The following ATP9A variants were observed in gnomAD, a reference collection of about 807,000 sequenced individuals.
ATP9A encodes ATPase phospholipid transporting 9A.
Under a neutral mutation model 144.1 loss-of-function variants are expected in ATP9A, and 52 were observed. The observed-to-expected ratio is 0.36, with a 90% confidence interval of 0.29 to 0.45. The LOEUF is 0.45. ATP9A is among the 20% of genes least tolerant of loss of function. The pLI is 1.00. For missense variants in ATP9A, 947 were observed against 1,392.7 expected (o/e 0.68, Z 5.09); for synonymous variants, 582 against 557.4 (o/e 1.04, Z -0.62).
chr20:51,758,649 G>A (rs2077866293), intron 1 of ATP9A, among the ~76,000 whole-genome samples: 1 of 152,300 alleles, frequency 6.6e-6, no homozygotes, highest in Admixed American at 6.5e-5. Context: ...CTTTTGGGCT[G>A]GGCGCAGTGG....
chr20:51,749,711 T>C (rs1249952615), intron 1 of ATP9A, among the ~76,000 whole-genome samples: 1 of 152,154 alleles, frequency 6.6e-6, no homozygotes, highest in African/African-American at 2.4e-5. Flanking sequence ...CAGAAGAACA[T>C]GGTAAGACTG....
rs1416390051 is a variant in ATP9A, at chr20:51,722,628, C to T, written c.327+3191G>A. Reference sequence around the variant, plus strand: ...CACTAATGATCAGGGAAATGCAAATCGAAACCACAATGCGATACCACCTTA... The same window carrying T: ...CACTAATGATCAGGGAAATGCAAATTGAAACCACAATGCGATACCACCTTA... On this transcript the variant is annotated intron_variant, in intron 3 of 27. Transcript: ENST00000338821. Among the ~76,000 whole-genome samples the T allele has an allele frequency of 9.2e-5, 14 of 152,146 alleles. 1 individual carries two copies. Among genetic ancestry groups the T allele is most frequent in the Admixed American group, 7.9e-4 (12 of 15,268 alleles).
chr20:51,607,348 T>C (rs963814758), intron 26 of ATP9A, among the ~76,000 whole-genome samples, 179 bp downstream of exon 26: 4 of 152,368 alleles, frequency 2.6e-5, no homozygotes, highest in African/African-American at 9.6e-5. Context: ...AGCAGCACTG[T>C]GCATGTCTGA....
At chr20:51,676,917 CTTTTTTTTTT>C (rs34062000) in intron 9 of ATP9A, among the ~76,000 whole-genome samples, 8 of 68,426 alleles carry the variant, frequency 1.2e-4, no homozygotes, top group African/African-American at 2.8e-4. Flanking sequence ...CGCCCAGTCT[CTTTTTTTTTT>C]TTTTTTTTTT....
chr20:51,730,196 C>T lies in ATP9A; in HGVS notation c.69-218G>A, dbSNP rs534678307. ...AAAGATGCTTTGTCCTGGCCAGGCG[C>T]GGTGGCTCACACCTGTAATCCCAGC... On this transcript the variant is annotated intron_variant, in intron 1 of 27. Transcript: ENST00000338821. 1.3e-3 allele frequency among the ~76,000 whole-genome samples: 194 copies of T among 152,124 alleles called. 1 individual carries two copies. The highest frequency in any genetic ancestry group is 4.6e-3 in the African/African-American group (191 of 41,482).
intron 6 of ATP9A, among the ~76,000 whole-genome samples, chr20:51,695,301 G>A (rs553001744): frequency 5.3e-5 from 8 of 151,944 alleles, no homozygotes; most frequent in East Asian, 1.9e-4. Flanking sequence ...TGGCCAACAC[G>A]GTGAAACCCC....
At chr20:51,619,090 G>A in intron 19 of ATP9A, 47 bp from the exon 20 acceptor site, 1 of 1,542,594 alleles carries the variant, frequency 6.5e-7, no homozygotes, top group Non-Finnish European at 8.9e-7. Flanking sequence ...CTCCGGACAT[G>A]ATAGAACAAC....
chr20:51,731,777 G>C (rs1601134469), intron 1 of ATP9A, among the ~76,000 whole-genome samples: 1 of 151,874 alleles, frequency 6.6e-6, no homozygotes, highest in East Asian at 1.9e-4. Flanking sequence ...AGAGACGTAA[G>C]AAACAGCTGG....
intron 8 of ATP9A, among the ~76,000 whole-genome samples, chr20:51,689,533 C>T (rs879589005): frequency 1.4e-5 from 2 of 144,866 alleles, no homozygotes; most frequent in Non-Finnish European, 3.1e-5. Flanking sequence ...GACCCATATT[C>T]CTAAAATAAT....
chr20:51,633,006 C>T (rs1056227606), intron 15 of ATP9A, among the ~76,000 whole-genome samples: 4 of 152,060 alleles, frequency 2.6e-5, no homozygotes, highest in African/African-American at 9.7e-5. Flanking sequence ...TGCCTGTAAT[C>T]CCAGCTACTC....
rs777380965 is a variant in ATP9A at position 51,597,283 on chromosome 20, AG to A, written c.*3927del. 2.0e-5 allele frequency: 3 copies of A among 152,230 alleles called. No homozygotes were observed. Among genetic ancestry groups the A allele is most frequent in the Non-Finnish European group, 4.4e-5 (3 of 68,050 alleles). 9.4% of individuals were successfully genotyped at this position (152,230 alleles called of 1,614,324 possible). On this transcript the variant is annotated 3_prime_UTR_variant, in exon 28 of 28. Coordinates refer to ENST00000338821, the MANE Select transcript of ATP9A (RefSeq NM_006045.3). ...CTGCTCACGCTGCAGGATGCTTTGC[AG>A]GTTCATTCAAAACCAAATTTTTTTC...
intron 14 of ATP9A, among the ~76,000 whole-genome samples, chr20:51,640,636 G>T (rs1230973856): frequency 2.6e-5 from 4 of 152,212 alleles, no homozygotes; most frequent in Non-Finnish European, 5.9e-5. Context: ...TCATCGCACG[G>T]GTGTCAAGTC....
At chr20:51,673,225 T>A (rs781760150) in intron 11 of ATP9A, among the ~76,000 whole-genome samples, 2 of 151,868 alleles carry the variant, frequency 1.3e-5, no homozygotes, top group African/African-American at 4.8e-5. Flanking sequence ...AATACAAAAA[T>A]TAGCCAAGCG....
intron 1 of ATP9A, among the ~76,000 whole-genome samples, chr20:51,739,870 A>G (rs1308840): frequency 0.98 from 148,668 of 152,200 alleles, 72,630 homozygotes; most frequent in East Asian, 1. Flanking sequence ...GGGGACAGAC[A>G]TCCTGTTCCC....
chr20:51,721,154 T>TA (rs1215899116), intron 3 of ATP9A, among the ~76,000 whole-genome samples: 2 of 152,236 alleles, frequency 1.3e-5, no homozygotes, highest in African/African-American at 2.4e-5. Flanking sequence ...ACGTACGGCG[T>TA]ATGCACGCCC....
chr20:51,613,520 C>T (rs1032498928), intron 23 of ATP9A, among the ~76,000 whole-genome samples, 157 bp downstream of exon 23: 2 of 152,136 alleles, frequency 1.3e-5, no homozygotes, highest in African/African-American at 4.8e-5. Flanking sequence ...TTTAAACTGG[C>T]GAGGTAGGGG....
chr20:51,699,208 G>A (rs774264523), intron 4 of ATP9A, among the ~76,000 whole-genome samples: 5 of 151,792 alleles, frequency 3.3e-5, no homozygotes, highest in Non-Finnish European at 5.9e-5. Context: ...AAGGCATAGT[G>A]GCAGGCACGT....
At position 51,657,135 on chromosome 20, in the gene ATP9A, G is replaced by T; in HGVS notation, c.1309C>A (p.Pro437Thr). 1.9e-6 allele frequency: 3 copies of T among 1,614,068 alleles called. No individual in the cohort carries two copies. The highest frequency in any genetic ancestry group is 2.5e-6 in the Non-Finnish European group (3 of 1,179,986). ...SIYTQQSQDP[P>T]AQKGPTLTTK... ...GTGAGCGTTGGGCCCTTCTGAGCCG[G>T]TGGGTCCTGGGATTGCTACAGGAAG... is the stretch of plus-strand genomic sequence containing the variant. The change falls in exon 14 of 28, where the codon CCG becomes ACG. Residue 437 changes from proline to threonine, a missense_variant. Transcript: ENST00000338821.
intron 4 of ATP9A, among the ~76,000 whole-genome samples, chr20:51,698,761 G>A (rs145946270): frequency 5.1e-4 from 78 of 152,282 alleles, no homozygotes; most frequent in African/African-American, 1.9e-3. Context: ...GTGAGAAAGT[G>A]GGACAGGTGA....
Sources: gnomAD v4.1 joint callset for allele counts (sites outside exome capture counted in the v4.1 genomes callset) on GRCh38, gnomAD v4.1.1 for gene constraint, MANE v1.5 for transcripts, NCBI Gene and HGNC (gene_info 2026-07-23, HGNC 2026-07-21) for gene names.